The following FAT3 variants were observed in gnomAD, a reference collection of about 807,000 sequenced individuals.
FAT3 encodes the protein protocadherin Fat 3.
FAT3 carries 95 observed loss-of-function variants against 310.2 expected under a neutral mutation model. That is an observed-to-expected ratio of 0.31 (90% confidence interval 0.26 to 0.36). The LOEUF is 0.36. Among genes scored for constraint, FAT3 ranks in the 10% least tolerant of loss-of-function variants. FAT3 has a pLI of 1.00. For missense variants in FAT3, 5,408 were observed against 5,715.6 expected (o/e 0.95, Z 1.74); for synonymous variants, 2,314 against 2,192.9 (o/e 1.06, Z -1.54).
At chr11:92,796,706 A>G (rs2136173603) in intron 9 of FAT3, among the ~76,000 whole-genome samples, 1 of 152,322 alleles carries the variant, frequency 6.6e-6, no homozygotes, top group African/African-American at 2.4e-5. Context: ...TAAGAGAAGC[A>G]AAAAGCAACT....
intron 3 of FAT3, among the ~76,000 whole-genome samples, chr11:92,579,036 A>G (rs1938643017): frequency 1.3e-5 from 2 of 152,280 alleles, no homozygotes; most frequent in Admixed American, 6.5e-5. Flanking sequence ...TCATTATGAA[A>G]AACAAGATGG....
chr11:92,272,137 G>A (rs916055592), intron 1 of FAT3, among the ~76,000 whole-genome samples: 1 of 152,082 alleles, frequency 6.6e-6, no homozygotes, highest in African/African-American at 2.4e-5. Context: ...GTAAAGTTCT[G>A]CACACATCAG....
chr11:92,681,284 A>G (rs1392426234), intron 3 of FAT3, among the ~76,000 whole-genome samples: 1 of 152,180 alleles, frequency 6.6e-6, no homozygotes, highest in Non-Finnish European at 1.5e-5. Context: ...AAAGCAGGGG[A>G]GACTTTAGGT....
intron 1 of FAT3, among the ~76,000 whole-genome samples, chr11:92,323,462 A>C (rs1947680076): frequency 6.6e-6 from 1 of 152,086 alleles, no homozygotes; most frequent in Non-Finnish European, 1.5e-5. Flanking sequence ...TATGTTGCCC[A>C]GGCTGGTCTC....
At chr11:92,445,093 G>T (rs1175398250) in intron 2 of FAT3, among the ~76,000 whole-genome samples, 1 of 152,114 alleles carries the variant, frequency 6.6e-6, no homozygotes, top group South Asian at 2.1e-4. Context: ...CAGAAGAAAC[G>T]AAATCTGCTG....
At chr11:92,847,073 C>T (rs1948700800) in intron 19 of FAT3, among the ~76,000 whole-genome samples, 2 of 152,196 alleles carry the variant, frequency 1.3e-5, no homozygotes, top group South Asian at 4.1e-4. Context: ...TTATCTGCAT[C>T]TTAAGAACAG....
chr11:92,882,522 C>T (rs1949690588), intron 23 of FAT3, among the ~76,000 whole-genome samples: 1 of 149,102 alleles, frequency 6.7e-6, no homozygotes, highest in Non-Finnish European at 1.5e-5. Flanking sequence ...GGAGGAACAC[C>T]TTAAGGCAAG....
intron 3 of FAT3, among the ~76,000 whole-genome samples, chr11:92,577,353 C>T (rs1441374109): frequency 6.6e-6 from 1 of 152,016 alleles, no homozygotes; most frequent in Admixed American, 6.6e-5. Context: ...AGGTAATCCA[C>T]CCACCTCACC....
At chr11:92,664,092 C>T (rs1468087968) in intron 3 of FAT3, among the ~76,000 whole-genome samples, 1 of 152,108 alleles carries the variant, frequency 6.6e-6, no homozygotes, top group African/African-American at 2.4e-5. Flanking sequence ...TTCTCATCAT[C>T]ACTCTTTTAC....
At chr11:92,463,368 A>G (rs1226914559) in intron 2 of FAT3, among the ~76,000 whole-genome samples, 1 of 152,182 alleles carries the variant, frequency 6.6e-6, no homozygotes, top group African/African-American at 2.4e-5. Context: ...TTCTGGAACA[A>G]GACTACCTGT....
At chr11:92,589,865 T>A (rs1308867558) in intron 3 of FAT3, among the ~76,000 whole-genome samples, 1 of 152,080 alleles carries the variant, frequency 6.6e-6, no homozygotes, top group African/African-American at 2.4e-5. Context: ...GAAATCAATC[T>A]TGTACCCACA....
intron 3 of FAT3, among the ~76,000 whole-genome samples, chr11:92,551,646 G>C (rs1317968050): frequency 6.6e-6 from 1 of 152,042 alleles, no homozygotes; most frequent in Non-Finnish European, 1.5e-5. Flanking sequence ...TGAAACAGCT[G>C]TACTTGGTTA....
intron 1 of FAT3, among the ~76,000 whole-genome samples, chr11:92,295,168 A>G (rs939835149): frequency 4.6e-5 from 7 of 152,022 alleles, no homozygotes; most frequent in Non-Finnish European, 8.8e-5. Flanking sequence ...CTTGCCATAA[A>G]CTCTTCTAGG....
intron 1 of FAT3, among the ~76,000 whole-genome samples, chr11:92,312,663 A>G (rs1243542098): frequency 1.3e-5 from 2 of 152,144 alleles, no homozygotes; most frequent in Non-Finnish European, 2.9e-5. Context: ...TTTTGTGAGT[A>G]TATTTTAGGT....
intron 2 of FAT3, among the ~76,000 whole-genome samples, chr11:92,394,585 T>C (rs1949820767): frequency 6.6e-6 from 1 of 152,104 alleles, no homozygotes; most frequent in Non-Finnish European, 1.5e-5. Context: ...ACTGCTCAGC[T>C]GTGGGATTTG....
At chr11:92,671,047 T>A (rs992828001) in intron 3 of FAT3, among the ~76,000 whole-genome samples, 3 of 151,748 alleles carry the variant, frequency 2.0e-5, no homozygotes, top group South Asian at 2.1e-4. Flanking sequence ...TGTTTTTTGT[T>A]TTTTGTTTTT....
At chr11:92,820,471 G>A (rs1035694997) in intron 13 of FAT3, among the ~76,000 whole-genome samples, 30 of 151,994 alleles carry the variant, frequency 2.0e-4, no homozygotes, top group African/African-American at 6.8e-4. Flanking sequence ...TATGAATTTT[G>A]GGAGATCACA....
intron 2 of FAT3, among the ~76,000 whole-genome samples, chr11:92,381,678 G>C (rs911347282): frequency 6.6e-6 from 1 of 152,008 alleles, no homozygotes; most frequent in Non-Finnish European, 1.5e-5. Flanking sequence ...AGGTATATAG[G>C]TAGTTAAAAT....
chr11:92,282,364 T>C (rs1398575952), intron 1 of FAT3, among the ~76,000 whole-genome samples: 1 of 152,132 alleles, frequency 6.6e-6, no homozygotes, highest in African/African-American at 2.4e-5. Flanking sequence ...AGTGTATTCA[T>C]ACATGAAAGC....
Sources: gnomAD v4.1 joint callset for allele counts (sites outside exome capture counted in the v4.1 genomes callset) on GRCh38, gnomAD v4.1.1 for gene constraint, MANE v1.5 for transcripts, NCBI Gene and HGNC (gene_info 2026-07-23, HGNC 2026-07-21) for gene names.